BABAM2: variants seen among roughly 807,000 people sequenced by gnomAD.
BABAM2 encodes the protein BRISC and BRCA1 A complex member 2, also known as BRISC and BRCA1-A complex member 2.
Under a neutral mutation model 54.7 loss-of-function variants are expected in BABAM2, and 31 were observed. The ratio of observed to expected loss-of-function variants is 0.57; its 90% confidence interval spans 0.43 to 0.77. The LOEUF is 0.77. Among genes scored for constraint, BABAM2 ranks in the 30% least tolerant of loss-of-function variants. The pLI is 0.00. For synonymous variants in BABAM2, 167 were observed against 162.9 expected, an observed-to-expected ratio of 1.03 and a Z score of -0.19; for missense variants, 364 against 455.8, an observed-to-expected ratio of 0.80 and a Z score of 1.83.
At chr2:28,041,191 A>G (rs1308319419) in intron 5 of BABAM2, among the ~76,000 whole-genome samples, 7 of 152,218 alleles carry the variant, frequency 4.6e-5, no homozygotes, top group Non-Finnish European at 7.3e-5. Flanking sequence ...TTATGTATGT[A>G]TATGTAAAAT....
intron 3 of BABAM2, among the ~76,000 whole-genome samples, chr2:27,965,566 T>A (rs1670773556): frequency 6.6e-6 from 1 of 152,214 alleles, no homozygotes. Flanking sequence ...TAAACAACTT[T>A]AATATCATTG....
At chr2:28,327,059 C>T (rs138328390) in intron 11 of BABAM2, among the ~76,000 whole-genome samples, 20 of 152,266 alleles carry the variant, frequency 1.3e-4, no homozygotes, top group African/African-American at 4.3e-4. Context: ...TGGATGAATA[C>T]GACCCATGGG....
chr2:27,936,778 T>G (rs1668515788), intron 3 of BABAM2, among the ~76,000 whole-genome samples: 1 of 151,512 alleles, frequency 6.6e-6, no homozygotes, highest in Non-Finnish European at 1.5e-5. Context: ...AAGGGGAACA[T>G]CACACTCTGG....
chr2:27,922,195 G>A (rs1208636218), intron 2 of BABAM2, among the ~76,000 whole-genome samples: 1 of 152,176 alleles, frequency 6.6e-6, no homozygotes, highest in African/African-American at 2.4e-5. Flanking sequence ...CTTAGTTTAT[G>A]AGTGTTAGTA....
intron 3 of BABAM2, among the ~76,000 whole-genome samples, chr2:27,941,353 A>G (rs2148382350): frequency 6.6e-6 from 1 of 152,242 alleles, no homozygotes; most frequent in African/African-American, 2.4e-5. Context: ...TCACAAGGTC[A>G]GGAGTTGCCT....
intron 7 of BABAM2, among the ~76,000 whole-genome samples, chr2:28,219,778 C>T (rs957193506): frequency 2.6e-5 from 4 of 152,112 alleles, no homozygotes; most frequent in Non-Finnish European, 2.9e-5. Context: ...ATGATGTTGT[C>T]GTAACAGAGC....
intron 6 of BABAM2, among the ~76,000 whole-genome samples, chr2:28,112,148 T>TCTTTCTTTCTTTCTTTCTTTG: frequency 2.4e-5 from 1 of 41,490 alleles, no homozygotes; most frequent in African/African-American, 1.0e-4. Context: ...TTTCTTTCTT[T>TCTTTCTTTCTTTCTTTCTTTG]ACCTCCCTCC....
intron 11 of BABAM2, among the ~76,000 whole-genome samples, chr2:28,312,779 G>A (rs189901556): frequency 2.5e-4 from 38 of 152,090 alleles, no homozygotes; most frequent in Middle Eastern, 3.4e-3. Context: ...AGTACTGCCA[G>A]GTCTAAATAT....
At chr2:28,250,584 C>CTTTTTTTTTTTTTTTT (rs34597279) in intron 10 of BABAM2, among the ~76,000 whole-genome samples, 25 of 136,980 alleles carry the variant, frequency 1.8e-4, no homozygotes, top group African/African-American at 2.4e-4. Context: ...ATATTTTTTT[C>CTTTTTTTTTTTTTTTT]TTTTTTTTTT....
intron 6 of BABAM2, among the ~76,000 whole-genome samples, chr2:28,119,172 G>T (rs563109183): frequency 3.3e-5 from 5 of 152,276 alleles, no homozygotes; most frequent in Non-Finnish European, 7.4e-5. Context: ...CTCCAGCTTT[G>T]TTCTTTTTGC....
intron 10 of BABAM2, among the ~76,000 whole-genome samples, chr2:28,261,417 C>T (rs998653029): frequency 5.9e-5 from 9 of 151,870 alleles, no homozygotes; most frequent in Non-Finnish European, 1.2e-4. Context: ...GCAAGCTCCA[C>T]CTCCCGGGTT....
chr2:28,259,071 G>C (rs1396862395), intron 10 of BABAM2, among the ~76,000 whole-genome samples: 1 of 75,400 alleles, frequency 1.3e-5, no homozygotes, highest in African/African-American at 5.4e-5. Context: ...CACTGCACCT[G>C]GCCTTTTTTT....
chr2:28,236,309 G>A (rs1681904514), intron 7 of BABAM2, among the ~76,000 whole-genome samples: 1 of 150,500 alleles, frequency 6.6e-6, no homozygotes, highest in African/African-American at 2.4e-5. Flanking sequence ...TTTAATAATT[G>A]TGTGCTGGTT....
intron 3 of BABAM2, among the ~76,000 whole-genome samples, chr2:27,954,243 G>A (rs930093329): frequency 6.6e-6 from 1 of 152,184 alleles, no homozygotes; most frequent in Non-Finnish European, 1.5e-5. Context: ...CTCATCAATA[G>A]GGGCGGCAAA....
chr2:27,951,037 A>G (rs1156485974), intron 3 of BABAM2, among the ~76,000 whole-genome samples: 1 of 152,048 alleles, frequency 6.6e-6, no homozygotes, highest in Non-Finnish European at 1.5e-5. Flanking sequence ...CTCCCCCGCA[A>G]CTGTTTTCTT....
At chr2:28,027,022 A>T (rs570296446) in intron 5 of BABAM2, among the ~76,000 whole-genome samples, 1 of 133,248 alleles carries the variant, frequency 7.5e-6, no homozygotes, top group East Asian at 2.1e-4. Flanking sequence ...AAGAAACCCC[A>T]AAAAAAGAAA....
chr2:28,215,740 C>G (rs1679863624), intron 7 of BABAM2, among the ~76,000 whole-genome samples: 1 of 152,150 alleles, frequency 6.6e-6, no homozygotes, highest in Admixed American at 6.6e-5. Flanking sequence ...ATCAAGCTGT[C>G]ATAGGTGAAC....
intron 2 of BABAM2, among the ~76,000 whole-genome samples, chr2:27,905,803 A>G (rs189049388): frequency 2.1e-4 from 32 of 152,318 alleles, no homozygotes; most frequent in African/African-American, 6.3e-4. Context: ...TTTGATTCTG[A>G]GACAGCCTTC....
chr2:28,090,250 C>G (rs1037171831), intron 6 of BABAM2, among the ~76,000 whole-genome samples: 2 of 152,038 alleles, frequency 1.3e-5, no homozygotes, highest in African/African-American at 2.4e-5. Flanking sequence ...TAAATTATCT[C>G]TCTCTCTTTT....
Sources: gnomAD v4.1 joint callset for allele counts (sites outside exome capture counted in the v4.1 genomes callset) on GRCh38, gnomAD v4.1.1 for gene constraint, MANE v1.5 for transcripts, NCBI Gene and HGNC (gene_info 2026-07-23, HGNC 2026-07-21) for gene names.